Variants in SCARB1 observed in about 807,000 individuals in gnomAD.
The protein encoded by SCARB1 is CD36 and LIMPII analogous 1.
In SCARB1, 30 loss-of-function variants were observed where a neutral mutation model predicts 57.2. The observed-to-expected ratio is 0.52, with a 90% confidence interval of 0.39 to 0.71. The LOEUF (loss-of-function observed/expected upper bound fraction) is 0.71. SCARB1 is among the 30% of genes least tolerant of loss of function. The pLI is 0.00. For synonymous variants in SCARB1, 249 were observed against 268.3 expected (o/e 0.93, Z 0.70); for missense variants, 543 against 671.2 (o/e 0.81, Z 2.11).
chr12:124,786,488 C>G lies in SCARB1; in HGVS notation c.1270G>C (p.Gly424Arg), dbSNP rs1949523621. The change falls in exon 11 of 13, where the codon GGG becomes CGG. Residue 424 changes from glycine to arginine, a missense_variant. Physicochemically the swap from Gly to Arg is moderately radical, Grantham distance 125. Transcript: ENST00000261693. The stretch of plus-strand genomic sequence containing the variant: ...GTGTAGAATGTGTGAAGAGTCTCCC[C>G]CTCCATGGCCCCGCTCTGAGGAGAC... ...LWFAESGAMEGETLHTFYTQL... is the reference protein window; with the variant it reads ...LWFAESGAMERETLHTFYTQL... 1 of 1,614,122 alleles carries G rather than the reference C, an allele frequency of 6.2e-7. No individual in the cohort carries two copies. Among genetic ancestry groups the G allele is most frequent in the Non-Finnish European group, 8.5e-7 (1 of 1,180,036 alleles).
At chr12:124,793,678 G>A (rs1050493569) in intron 9 of SCARB1, among the ~76,000 whole-genome samples, 2 of 145,060 alleles carry the variant, frequency 1.4e-5, no homozygotes, top group African/African-American at 5.2e-5. Flanking sequence ...GGGCGACAGA[G>A]CGAGACTCCG....
chr12:124,855,538 C>T lies in SCARB1; in HGVS notation c.126+8057G>A, dbSNP rs566483360. ...CTTGTGGGCCAGCAGAGCTCAAGGT[C>T]ATGTCCAAACAGGGGGAGGGAGACG... On this transcript the variant is annotated intron_variant, in intron 1 of 12. Transcript: ENST00000261693. 2.0e-5 allele frequency among the ~76,000 whole-genome samples: 3 copies of T among 152,330 alleles called. No individual in the cohort carries two copies. The East Asian group carries it at 5.8e-4, about 29-fold the overall frequency.
At position 124,812,902 on chromosome 12, in the gene SCARB1, G is replaced by A. The variant is rs1461975384; in HGVS notation, c.631-937C>T. 1.3e-5 allele frequency among the ~76,000 whole-genome samples: 2 copies of A among 152,116 alleles called. No homozygotes were observed. Among genetic ancestry groups the A allele is most frequent in the African/African-American group, 2.4e-5 (1 of 41,394 alleles). On this transcript the variant is annotated intron_variant, in intron 4 of 12. Transcript: ENST00000261693. This position sits in a 1 kb window ranked among gnomAD's most constrained non-coding sequence, Gnocchi z 4.3. Reference sequence around the variant, plus strand: ...ATTAAAGGGACTCATGTGCAAAAACGGCCAGGTACAGTGCACCGGACACAG... The same window carrying A: ...ATTAAAGGGACTCATGTGCAAAAACAGCCAGGTACAGTGCACCGGACACAG...
rs1028236220 is a variant in SCARB1 at position 124,810,021 on chromosome 12, G to A, written c.842+153C>T. ...ATTGGCAGCTGGAGTTTGGCTTTTGGTGGTGTGACCAAAGAGAATTCAAGC... is the reference window on the plus strand; with the variant it reads ...ATTGGCAGCTGGAGTTTGGCTTTTGATGGTGTGACCAAAGAGAATTCAAGC... On this transcript the variant is annotated intron_variant, in intron 6 of 12. Transcript: ENST00000261693. The surrounding 1 kb of genome is among the most constrained non-coding windows in gnomAD (Gnocchi z 4.0). Among the ~76,000 whole-genome samples, 2 of 152,218 alleles carry A rather than the reference G, an allele frequency of 1.3e-5. No homozygotes were observed. Among genetic ancestry groups the A allele is most frequent in the Non-Finnish European group, 2.9e-5 (2 of 68,046 alleles).
intron 1 of SCARB1, among the ~76,000 whole-genome samples, chr12:124,831,538 C>G (rs752886483): frequency 2.0e-5 from 3 of 152,114 alleles, no homozygotes; most frequent in Non-Finnish European, 4.4e-5. Context: ...CCCAGTGCCC[C>G]GTCAAATCTG....
intron 1 of SCARB1, among the ~76,000 whole-genome samples, chr12:124,844,460 A>C (rs918046103): frequency 3.9e-5 from 6 of 152,200 alleles, no homozygotes; most frequent in Non-Finnish European, 5.9e-5. Context: ...TGAGCTGAAC[A>C]GTGTCCCCCC....
chr12:124,837,777 G>A (rs566627448), intron 1 of SCARB1, among the ~76,000 whole-genome samples: 29 of 151,462 alleles, frequency 1.9e-4, no homozygotes, highest in African/African-American at 5.1e-4. Context: ...GGTGGCACAT[G>A]CCTGTTGTCC....
At chr12:124,792,333 C>T (rs1023945028) in intron 9 of SCARB1, among the ~76,000 whole-genome samples, 1 of 152,080 alleles carries the variant, frequency 6.6e-6, no homozygotes, top group Admixed American at 6.5e-5. Context: ...TGCCTTGTTC[C>T]CAGTCCACAG....
rs992710979 is a variant in SCARB1 at position 124,800,858 on chromosome 12, A to G, written c.1010-616T>C. The stretch of plus-strand genomic sequence containing the variant: ...CAAACACCAGCTCACCCTCGGGACA[A>G]TGGACAACAGGCCTGAAGGACAAGT... On this transcript the variant is annotated intron_variant, in intron 7 of 12. Coordinates refer to ENST00000261693, the MANE Select transcript of SCARB1 (RefSeq NM_005505.5). This position sits in a 1 kb window ranked among gnomAD's most constrained non-coding sequence, Gnocchi z 4.8. 6.6e-6 allele frequency among the ~76,000 whole-genome samples: 1 copy of G among 152,200 alleles called. No individual in the cohort carries two copies. Among genetic ancestry groups the G allele is most frequent in the Non-Finnish European group, 1.5e-5 (1 of 68,032 alleles).
chr12:124,825,533 C>T (rs1274667733), intron 1 of SCARB1, among the ~76,000 whole-genome samples: 6 of 150,952 alleles, frequency 4.0e-5, no homozygotes, highest in Admixed American at 1.3e-4. Flanking sequence ...TACCCAAGCA[C>T]GGTGACATGC....
chr12:124,850,597 GA>G (rs1952353617), intron 1 of SCARB1, among the ~76,000 whole-genome samples: 1 of 151,728 alleles, frequency 6.6e-6, no homozygotes, highest in Admixed American at 6.6e-5. Flanking sequence ...TTGAACCTGG[GA>G]GGCAAAGGTT....
intron 1 of SCARB1, among the ~76,000 whole-genome samples, chr12:124,843,814 C>G (rs1346087956): frequency 2.0e-5 from 3 of 152,168 alleles, no homozygotes; most frequent in Non-Finnish European, 4.4e-5. Flanking sequence ...CTCAGACCCC[C>G]ACCTGAGGAC....
intron 9 of SCARB1, among the ~76,000 whole-genome samples, chr12:124,792,474 A>T (rs762470622): frequency 6.6e-6 from 1 of 151,976 alleles, no homozygotes; most frequent in Non-Finnish European, 1.5e-5. Context: ...GCTCATGCCT[A>T]TAATCCCAGC....
At position 124,834,189 on chromosome 12, in the gene SCARB1, T is replaced by C. The variant is rs553520677; in HGVS notation, c.127-16482A>G. Among the ~76,000 whole-genome samples, 4 of 152,336 alleles carry C rather than the reference T, an allele frequency of 2.6e-5. No individual in the cohort carries two copies. The East Asian group carries it at 5.8e-4, about 22-fold the overall frequency. ...CCCTGCAAGGCCAGAGCCAGGGGTC[T>C]TGTCAAAAGCAGGCCTCCCAAGCCA... is the stretch of plus-strand genomic sequence containing the variant. On this transcript the variant is annotated intron_variant, in intron 1 of 12. Transcript: ENST00000261693.
intron 1 of SCARB1, among the ~76,000 whole-genome samples, chr12:124,831,497 G>A (rs1226496013): frequency 6.6e-6 from 1 of 152,138 alleles, no homozygotes; most frequent in Non-Finnish European, 1.5e-5. Flanking sequence ...TAATAAGAGA[G>A]CACCTACAGC....
At chr12:124,860,381 G>A (rs1213183681) in intron 1 of SCARB1, among the ~76,000 whole-genome samples, 1 of 152,256 alleles carries the variant, frequency 6.6e-6, no homozygotes, top group Non-Finnish European at 1.5e-5. Flanking sequence ...CATCATTGAA[G>A]ACAGCAGCCT....
In SCARB1 at chr12:124,810,248, T is replaced by C. The variant is rs1332339648; in HGVS notation, c.768A>G (p.Gly256=). Residue 256 remains glycine (G), a synonymous_variant, in exon 6 of 13, where the codon GGA becomes GGG. Transcript: ENST00000261693. This position sits in a 1 kb window ranked among gnomAD's most constrained non-coding sequence, Gnocchi z 4.0. ...WHSDQCNMIN[G]TSGQMWPPFM... is the part of the protein sequence containing the mutation. Reference sequence around the variant, plus strand: ...AGGGCGGCCACATTTGCCCAGAAGTTCCATTGATCATGTTGCACTGATCGG... The same window carrying C: ...AGGGCGGCCACATTTGCCCAGAAGTCCCATTGATCATGTTGCACTGATCGG... 1 of 1,614,076 alleles carries C rather than the reference T, an allele frequency of 6.2e-7. No homozygotes were observed. The highest frequency in any genetic ancestry group is 1.7e-5 in the Admixed American group (1 of 60,016).
rs1293816613 is a variant in SCARB1 at position 124,817,493 on chromosome 12, C to CCCCT, written c.284+53_284+56dup. 14 of 1,580,680 alleles carry CCCCT rather than the reference C, an allele frequency of 8.9e-6. No individual in the cohort carries two copies. The highest frequency in any genetic ancestry group is 1.1e-5 in the Non-Finnish European group (13 of 1,157,764). ...CCTCCCCATCCCGTCCACTCTGAGA[C>CCCCT]CCCTCCCCTGCCCAGCCTCAGCCGG... On this transcript the variant is annotated intron_variant, in intron 2 of 12. Coordinates refer to ENST00000261693, the MANE Select transcript of SCARB1 (RefSeq NM_005505.5). The surrounding 1 kb of genome is among the most constrained non-coding windows in gnomAD (Gnocchi z 4.8).
At chr12:124,799,748 G>A (rs931962645) in intron 8 of SCARB1, among the ~76,000 whole-genome samples, 3 of 152,144 alleles carry the variant, frequency 2.0e-5, no homozygotes, top group Middle Eastern at 3.4e-3. Flanking sequence ...AACTTCACAC[G>A]GGACAAATTC....
Sources: gnomAD v4.1 joint callset for allele counts (sites outside exome capture counted in the v4.1 genomes callset) on GRCh38, gnomAD v4.1.1 for gene constraint, Gnocchi (gnomAD v3.1) non-coding constraint, MANE v1.5 for transcripts, NCBI Gene and HGNC (gene_info 2026-07-23, HGNC 2026-07-21) for gene names.